Variants in RNF6 observed in about 807,000 individuals in gnomAD.
The protein encoded by RNF6 is ring finger protein 6.
RNF6 carries 21 observed loss-of-function variants against 50.1 expected under a neutral mutation model. That is an observed-to-expected ratio of 0.42 (90% CI 0.30 to 0.60). The LOEUF is 0.60. Among genes scored for constraint, RNF6 ranks in the 20% least tolerant of loss-of-function variants. RNF6 has a pLI of 0.20. For synonymous variants in RNF6, 255 were observed against 291.8 expected (o/e 0.87, Z 1.29); for missense variants, 698 against 838.2 (o/e 0.83, Z 2.07).
At chr13:26,178,857 A>G (rs1256097125) in intron 5 of RNF6, among the ~76,000 whole-genome samples, 2 of 151,962 alleles carry the variant, frequency 1.3e-5, no homozygotes, top group East Asian at 1.9e-4. Flanking sequence ...ACTATTTTAG[A>G]TCCCACATAT....
chr13:26,199,530 C>A (rs1868812871), intron 5 of RNF6, among the ~76,000 whole-genome samples: 2 of 152,086 alleles, frequency 1.3e-5, no homozygotes, highest in Non-Finnish European at 2.9e-5. Context: ...CATTGATAAT[C>A]TGGACTTCAT....
chr13:26,187,313 G>T (rs1388118337), intron 5 of RNF6, among the ~76,000 whole-genome samples: 7 of 152,334 alleles, frequency 4.6e-5, no homozygotes, highest in African/African-American at 1.7e-4. Context: ...CAAGAAGGGG[G>T]AAACGTTTGG....
At chr13:26,149,585 TA>T (rs1232753544) in intron 5 of RNF6, among the ~76,000 whole-genome samples, 337 of 140,562 alleles carry the variant, frequency 2.4e-3, no homozygotes, top group Admixed American at 2.5e-3. Flanking sequence ...AGACTCCGTC[TA>T]AAAAAAAAAA....
At chr13:26,160,159 T>C (rs1872126430) in intron 5 of RNF6, among the ~76,000 whole-genome samples, 1 of 152,182 alleles carries the variant, frequency 6.6e-6, no homozygotes, top group African/African-American at 2.4e-5. Flanking sequence ...AAGTAAGTGA[T>C]AATATTAAAC....
At chr13:26,180,595 A>C (rs1453287834) in intron 5 of RNF6, among the ~76,000 whole-genome samples, 1 of 152,174 alleles carries the variant, frequency 6.6e-6, no homozygotes, top group East Asian at 1.9e-4. Flanking sequence ...AAATTTGCAG[A>C]ATCTGTGGAC....
At chr13:26,163,822 A>G (rs1269047954) in intron 5 of RNF6, among the ~76,000 whole-genome samples, 1 of 152,180 alleles carries the variant, frequency 6.6e-6, no homozygotes, top group Non-Finnish European at 1.5e-5. Context: ...CTTTTGGAAA[A>G]TGGATTTTGA....
In RNF6 at chr13:26,222,186, G is replaced by A. The variant is rs900326827; in HGVS notation, c.-285C>T. Reference sequence around the variant, plus strand: ...CCGGAAGCCCGTGCTGCAGCGTGGGGTCGTCCAGCTGGAGGGGATACTCGG... The same window carrying A: ...CCGGAAGCCCGTGCTGCAGCGTGGGATCGTCCAGCTGGAGGGGATACTCGG... On this transcript the variant is annotated 5_prime_UTR_variant, in exon 1 of 5. Coordinates refer to ENST00000381588, the MANE Select transcript of RNF6 (RefSeq NM_005977.4). 6.6e-6 allele frequency: 1 copy of A among 152,444 alleles called. No homozygotes were observed. Among genetic ancestry groups the A allele is most frequent in the African/African-American group, 2.4e-5 (1 of 41,482 alleles). 9.4% of individuals were successfully genotyped at this position (152,444 alleles called of 1,614,324 possible).
chr13:26,142,989 G>A (rs1173113557), intron 5 of RNF6, among the ~76,000 whole-genome samples: 8 of 152,028 alleles, frequency 5.3e-5, no homozygotes, highest in African/African-American at 1.4e-4. Flanking sequence ...ACAAAGTAAA[G>A]AGGAAATACT....
intron 5 of RNF6, among the ~76,000 whole-genome samples, chr13:26,183,679 T>C (rs1873347255): frequency 6.6e-6 from 1 of 152,102 alleles, no homozygotes; most frequent in South Asian, 2.1e-4. Flanking sequence ...TAAAAAATAG[T>C]TTTGGACTAA....
At chr13:26,201,725 A>T (rs1868904945) in intron 5 of RNF6, among the ~76,000 whole-genome samples, 1 of 152,170 alleles carries the variant, frequency 6.6e-6, no homozygotes, top group Non-Finnish European at 1.5e-5. Flanking sequence ...TGATCCTGGG[A>T]GTATAAAATT....
intron 5 of RNF6, among the ~76,000 whole-genome samples, chr13:26,197,000 GA>G (rs1276006446): frequency 6.6e-6 from 1 of 151,954 alleles, no homozygotes; most frequent in Non-Finnish European, 1.5e-5. Flanking sequence ...TGAGAAGTTT[GA>G]AATGGAAAGT....
Position 26,213,804 on chromosome 13 carries a change from T to C in RNF6, c.*20A>G. On this transcript the variant is annotated 3_prime_UTR_variant, in exon 5 of 5. Transcript: ENST00000381588. Reference sequence around the variant, plus strand: ...CATTCAGTTCTACTAAAAAACAGTATTTGAGTAGATCCCATCACCTTACCC... The same window carrying C: ...CATTCAGTTCTACTAAAAAACAGTACTTGAGTAGATCCCATCACCTTACCC... 1 of 1,558,402 alleles carries C rather than the reference T, an allele frequency of 6.4e-7. No individual in the cohort carries two copies.
intron 5 of RNF6, among the ~76,000 whole-genome samples, chr13:26,147,321 T>C (rs976389046): frequency 1.3e-5 from 2 of 152,164 alleles, no homozygotes; most frequent in African/African-American, 2.4e-5. Flanking sequence ...AGAGAGGTGA[T>C]GGGGAAGATT....
In RNF6 at chr13:26,148,644, A is replaced by C. The variant is rs1414656342; in HGVS notation, n.769-16193T>G. Among the ~76,000 whole-genome samples, 68 of 100,678 alleles carry C rather than the reference A, an allele frequency of 6.8e-4. 1 individual carries two copies. The highest frequency in any genetic ancestry group is 2.1e-3 in the African/African-American group (68 of 31,840). 66.0% of individuals were successfully genotyped at this position (100,678 alleles called of 152,430 possible). ...AGTATAAATCTCTTTATATATATATATATATATATATATATATATATATAT... is the reference window on the plus strand; with the variant it reads ...AGTATAAATCTCTTTATATATATATCTATATATATATATATATATATATAT... On this transcript the variant is annotated intron_variant and non_coding_transcript_variant, in intron 5 of 5. Transcript: ENST00000468480.
intron 5 of RNF6, among the ~76,000 whole-genome samples, chr13:26,144,294 C>T (rs1051378279): frequency 7.2e-5 from 11 of 152,092 alleles, no homozygotes; most frequent in Admixed American, 1.3e-4. Flanking sequence ...CTGATATCTA[C>T]GCAATGGGTC....
intron 5 of RNF6, among the ~76,000 whole-genome samples, chr13:26,192,159 T>G (rs1446965397): frequency 6.6e-6 from 1 of 152,184 alleles, no homozygotes; most frequent in Admixed American, 6.5e-5. Context: ...AGATAGGAAG[T>G]TGCATTATAT....
chr13:26,167,592 A>G (rs1368945059), intron 5 of RNF6, among the ~76,000 whole-genome samples: 1 of 152,240 alleles, frequency 6.6e-6, no homozygotes, highest in Non-Finnish European at 1.5e-5. Context: ...ATGCTTATAC[A>G]TTGTTGGTGG....
At chr13:26,161,538 G>C (rs1267754548) in intron 5 of RNF6, among the ~76,000 whole-genome samples, 1 of 152,048 alleles carries the variant, frequency 6.6e-6, no homozygotes, top group African/African-American at 2.4e-5. Context: ...TACACATATT[G>C]CTTTTTCCCC....
intron 5 of RNF6, among the ~76,000 whole-genome samples, chr13:26,156,462 A>G (rs1436079251): frequency 6.6e-6 from 1 of 152,230 alleles, no homozygotes; most frequent in East Asian, 1.9e-4. Context: ...ATAAAAGGAT[A>G]TTTAAAATTT....
Sources: allele counts gnomAD v4.1 joint callset (sites outside exome capture counted in the v4.1 genomes callset), GRCh38; gene constraint gnomAD v4.1.1; transcripts MANE v1.5; gene names NCBI Gene and HGNC (gene_info 2026-07-23, HGNC 2026-07-21).